Variants in PARD3B observed in about 807,000 individuals in gnomAD.
PARD3B encodes the protein par-3 family cell polarity regulator beta, also known as partitioning defective 3 homolog B.
Under a neutral mutation model 130.2 loss-of-function variants are expected in PARD3B, and 103 were observed. The ratio of observed to expected loss-of-function variants is 0.79; its 90% CI spans 0.67 to 0.93. The LOEUF (loss-of-function observed/expected upper bound fraction) is 0.93, where lower values mean the gene tolerates loss of function less well. Ranked by LOEUF, PARD3B falls within the 40% of genes least tolerant of loss-of-function variation. The pLI, the probability that PARD3B is intolerant of heterozygous loss-of-function variation, is 0.00. For synonymous variants in PARD3B, 583 were observed against 553.2 expected, an observed-to-expected ratio of 1.05 and a Z score of -0.76; for missense variants, 1,609 against 1,499.2, an observed-to-expected ratio of 1.07 and a Z score of -1.21.
chr2:204,893,095 A>T (rs2046509123), intron 2 of PARD3B, among the ~76,000 whole-genome samples: 1 of 152,160 alleles, frequency 6.6e-6, no homozygotes, highest in African/African-American at 2.4e-5. Context: ...GTGTCAGAGA[A>T]AGGTTGGGAA....
At chr2:205,049,446 C>T (rs2125416908) in intron 4 of PARD3B, among the ~76,000 whole-genome samples, 1 of 152,272 alleles carries the variant, frequency 6.6e-6, no homozygotes, top group Admixed American at 6.5e-5. Context: ...GATCCAGTCA[C>T]TTCCCACAGG....
chr2:205,200,665 G>A (rs1326347492), intron 15 of PARD3B, among the ~76,000 whole-genome samples: 3 of 152,122 alleles, frequency 2.0e-5, no homozygotes, highest in African/African-American at 7.2e-5. Flanking sequence ...GTCTTACAGT[G>A]TTTTCATTCT....
At chr2:204,555,118 T>G (rs1351242107) in intron 1 of PARD3B, among the ~76,000 whole-genome samples, 2 of 152,186 alleles carry the variant, frequency 1.3e-5, no homozygotes, top group African/African-American at 4.8e-5. Context: ...TTCGCACATG[T>G]GGTAAGAACT....
Position 204,669,561 on chromosome 2 carries a change from G to A in PARD3B, c.121-16620G>A, listed in dbSNP as rs1030516139. On this transcript the variant is annotated intron_variant, in intron 1 of 22. Transcript: ENST00000406610. This position sits in a 1 kb window ranked among gnomAD's most constrained non-coding sequence, Gnocchi z 4.3. Reference sequence around the variant, plus strand: ...TGAATGGTTTAGTAGTTACGACATTGGCATTGTTAGGAATGACAAATAGTC... The same window carrying A: ...TGAATGGTTTAGTAGTTACGACATTAGCATTGTTAGGAATGACAAATAGTC... Among the ~76,000 whole-genome samples the A allele has an allele frequency of 2.6e-5, 4 of 152,082 alleles. No individual in the cohort carries two copies. Among genetic ancestry groups the A allele is most frequent in the African/African-American group, 9.7e-5 (4 of 41,414 alleles).
intron 2 of PARD3B, among the ~76,000 whole-genome samples, chr2:204,901,011 G>A (rs2046834920): frequency 1.3e-5 from 2 of 152,036 alleles, no homozygotes; most frequent in Admixed American, 6.6e-5. Flanking sequence ...TGGAGCTGGG[G>A]GGAGGGGTGA....
At chr2:205,232,801 G>A (rs899914202) in intron 15 of PARD3B, among the ~76,000 whole-genome samples, 4 of 152,218 alleles carry the variant, frequency 2.6e-5, no homozygotes, top group Non-Finnish European at 5.9e-5. Flanking sequence ...GACATTGCAG[G>A]AAACCAGACA....
intron 18 of PARD3B, among the ~76,000 whole-genome samples, chr2:205,364,698 A>G (rs925818247): frequency 2.0e-5 from 3 of 152,222 alleles, no homozygotes; most frequent in African/African-American, 7.2e-5. Flanking sequence ...AGGGGCCACA[A>G]ATTCCCACAA....
At chr2:204,916,793 T>C (rs1474948231) in intron 2 of PARD3B, among the ~76,000 whole-genome samples, 4 of 152,182 alleles carry the variant, frequency 2.6e-5, no homozygotes, top group Non-Finnish European at 5.9e-5. Context: ...ATAATCCTTT[T>C]TAAATATGAG....
intron 22 of PARD3B, among the ~76,000 whole-genome samples, chr2:205,594,602 C>T (rs1264069206): frequency 1.3e-5 from 2 of 152,150 alleles, no homozygotes; most frequent in Non-Finnish European, 2.9e-5. Flanking sequence ...AAGAGCATAG[C>T]TTCACTTGAC....
At chr2:205,378,494 G>T (rs1342743813) in intron 18 of PARD3B, among the ~76,000 whole-genome samples, 1 of 152,172 alleles carries the variant, frequency 6.6e-6, no homozygotes, top group African/African-American at 2.4e-5. Context: ...TTTACATTCA[G>T]AATAGAAAAG....
intron 1 of PARD3B, among the ~76,000 whole-genome samples, chr2:204,626,646 T>A (rs1305025462): frequency 6.6e-6 from 1 of 152,126 alleles, no homozygotes; most frequent in Non-Finnish European, 1.5e-5. Context: ...TAAATGTATT[T>A]TTTCCCTCTG....
chr2:204,795,801 A>G (rs922015085), intron 2 of PARD3B, among the ~76,000 whole-genome samples: 1 of 152,236 alleles, frequency 6.6e-6, no homozygotes, highest in Non-Finnish European at 1.5e-5. Context: ...TTCTTCTATT[A>G]TAATCAATGT....
At chr2:205,203,657 G>T (rs990598896) in intron 15 of PARD3B, among the ~76,000 whole-genome samples, 1 of 152,020 alleles carries the variant, frequency 6.6e-6, no homozygotes, top group Non-Finnish European at 1.5e-5. Flanking sequence ...CTGTGTCCAT[G>T]TGTTCTCATT....
Position 204,832,319 on chromosome 2 carries a change from G to A in PARD3B, c.223-132833G>A, listed in dbSNP as rs147710637. On this transcript the variant is annotated intron_variant, in intron 2 of 22. Coordinates refer to ENST00000406610, the MANE Select transcript of PARD3B (RefSeq NM_001302769.2). ...TAGTGTACTTCCTCAAGATTTTTGCGTTCATGCTTGCTTTTCTGTTTAAAA... is the reference window on the plus strand; with the variant it reads ...TAGTGTACTTCCTCAAGATTTTTGCATTCATGCTTGCTTTTCTGTTTAAAA... Among the ~76,000 whole-genome samples, 535 of 151,926 alleles carry A rather than the reference G, an allele frequency of 3.5e-3. 2 individuals carry two copies. The highest frequency in any genetic ancestry group is 0.012 in the African/African-American group (514 of 41,446).
chr2:204,745,407 C>CTTTTTTTTTTTTTT (rs71032405), intron 2 of PARD3B, among the ~76,000 whole-genome samples: 1 of 140,996 alleles, frequency 7.1e-6, no homozygotes. Flanking sequence ...TAAATACTAC[C>CTTTTTTTTTTTTTT]TTTTTTTTTT....
chr2:204,760,108 A>G (rs1216416953), intron 2 of PARD3B, among the ~76,000 whole-genome samples: 1 of 152,072 alleles, frequency 6.6e-6, no homozygotes, highest in East Asian at 1.9e-4. Flanking sequence ...AACAGGCATT[A>G]TATGTTTTTT....
intron 18 of PARD3B, among the ~76,000 whole-genome samples, chr2:205,326,863 A>G (rs569906389): frequency 1.2e-4 from 19 of 152,306 alleles, no homozygotes; most frequent in African/African-American, 4.6e-4. Flanking sequence ...TCATGTAGCA[A>G]GACAGAATAA....
intron 2 of PARD3B, among the ~76,000 whole-genome samples, chr2:204,743,977 A>G (rs1408029291): frequency 1.3e-5 from 2 of 152,178 alleles, no homozygotes; most frequent in East Asian, 3.9e-4. Context: ...AGAGTCTAAC[A>G]AAACCCAAAG....
chr2:205,477,235 G>T (rs1343643671), intron 20 of PARD3B, among the ~76,000 whole-genome samples: 1 of 152,154 alleles, frequency 6.6e-6, no homozygotes, highest in Non-Finnish European at 1.5e-5. Context: ...AAAATATGTT[G>T]TGAGCAGATA....
Sources: gnomAD v4.1 joint callset for allele counts (sites outside exome capture counted in the v4.1 genomes callset) on GRCh38, gnomAD v4.1.1 for gene constraint, Gnocchi (gnomAD v3.1) non-coding constraint, MANE v1.5 for transcripts, NCBI Gene and HGNC (gene_info 2026-07-23, HGNC 2026-07-21) for gene names.